TBC1D4: variants seen among roughly 807,000 people sequenced by gnomAD.
TBC1D4 encodes the protein TBC (Tre-2, BUB2, CDC16) domain-containing protein.
TBC1D4 carries 121 observed loss-of-function variants against 142.5 expected under a neutral mutation model. The ratio of observed to expected loss-of-function variants is 0.85; its 90% CI spans 0.73 to 0.99. The LOEUF (loss-of-function observed/expected upper bound fraction) is 0.99. TBC1D4 is among the 50% of genes least tolerant of loss of function. The probability of loss-of-function intolerance (pLI) is 0.00; values close to 1 mark genes in which losing one functional copy is unlikely to be tolerated. For synonymous variants in TBC1D4, 630 were observed against 628.2 expected, an observed-to-expected ratio of 1.00 and a Z score of -0.04; for missense variants, 1,475 against 1,606.6, an observed-to-expected ratio of 0.92 and a Z score of 1.40.
At chr13:75,423,304 C>A (rs187979505) in intron 1 of TBC1D4, among the ~76,000 whole-genome samples, 7 of 151,540 alleles carry the variant, frequency 4.6e-5, no homozygotes, top group Admixed American at 3.3e-4. Flanking sequence ...CAGAAAATAT[C>A]TTAACAGGTT....
intron 8 of TBC1D4, among the ~76,000 whole-genome samples, chr13:75,332,113 C>T (rs1415386626): frequency 6.6e-6 from 1 of 152,170 alleles, no homozygotes; most frequent in African/African-American, 2.4e-5. Flanking sequence ...AAAAAGACTT[C>T]AAAGTTGGCA....
intron 1 of TBC1D4, among the ~76,000 whole-genome samples, chr13:75,439,321 T>C (rs1268197873): frequency 6.6e-6 from 1 of 152,218 alleles, no homozygotes; most frequent in Non-Finnish European, 1.5e-5. Flanking sequence ...ATAAAATTCA[T>C]AATTTTTTAC....
chr13:75,329,521 T>C (rs906612321), intron 8 of TBC1D4, among the ~76,000 whole-genome samples: 1 of 151,602 alleles, frequency 6.6e-6, no homozygotes, highest in Non-Finnish European at 1.5e-5. Flanking sequence ...CATGTTACAA[T>C]ATAGGCTTGC....
chr13:75,309,763 C>T (rs1470145889), intron 14 of TBC1D4, among the ~76,000 whole-genome samples, 179 bp downstream of exon 14: 1 of 152,138 alleles, frequency 6.6e-6, no homozygotes, highest in African/African-American at 2.4e-5. Flanking sequence ...CTGACCTTTC[C>T]CATGTTATAA....
chr13:75,305,591 G>T (rs897700978), intron 15 of TBC1D4, among the ~76,000 whole-genome samples: 1 of 152,196 alleles, frequency 6.6e-6, no homozygotes, highest in African/African-American at 2.4e-5. Context: ...TGGCTCAACA[G>T]TCTCACACAT....
intron 1 of TBC1D4, among the ~76,000 whole-genome samples, chr13:75,417,738 T>C (rs1482399538): frequency 6.6e-6 from 1 of 152,216 alleles, no homozygotes; most frequent in Non-Finnish European, 1.5e-5. Context: ...AGTATTATTC[T>C]TATTCCAGTG....
chr13:75,356,276 T>A (rs964047621), intron 3 of TBC1D4, 25 bp from the exon 4 acceptor site: 1 of 1,457,626 alleles, frequency 6.9e-7, no homozygotes, highest in East Asian at 2.3e-5. Context: ...AGAAGTGCAA[T>A]AAAAATGTAT....
intron 8 of TBC1D4, among the ~76,000 whole-genome samples, chr13:75,334,774 C>T (rs1880058051): frequency 3.3e-5 from 5 of 151,890 alleles, no homozygotes; most frequent in South Asian, 2.1e-4. Context: ...TTAGTAGAGA[C>T]GGGGTTTTAC....
At chr13:75,329,226 C>T (rs1879537566) in intron 8 of TBC1D4, among the ~76,000 whole-genome samples, 1 of 151,992 alleles carries the variant, frequency 6.6e-6, no homozygotes, top group Non-Finnish European at 1.5e-5. Flanking sequence ...TTGTTTGCAG[C>T]TGAGCGACAT....
At chr13:75,391,032 CCACACACACA>C (rs71127539) in intron 1 of TBC1D4, among the ~76,000 whole-genome samples, 1,792 of 136,760 alleles carry the variant, frequency 0.013, 16 homozygotes, top group South Asian at 0.023. Context: ...TATTCCCCCA[CCACACACACA>C]CACACACACA....
chr13:75,330,497 T>C (rs1593738762), intron 8 of TBC1D4, among the ~76,000 whole-genome samples: 1 of 152,238 alleles, frequency 6.6e-6, no homozygotes, highest in Non-Finnish European at 1.5e-5. Context: ...TTAATCCTCA[T>C]ACCAGTTGTG....
intron 16 of TBC1D4, among the ~76,000 whole-genome samples, chr13:75,300,385 GC>G (rs11332300): frequency 0.54 from 82,428 of 151,280 alleles, 22,593 homozygotes; most frequent in Non-Finnish European, 0.56. Flanking sequence ...ATTGGTATGG[GC>G]ATTTTTCTAG....
chr13:75,312,452 A>G (rs56865563), intron 13 of TBC1D4, among the ~76,000 whole-genome samples: 1,855 of 104,534 alleles, frequency 0.018, 36 homozygotes, highest in African/African-American at 0.051. Context: ...AAGAAAGAAA[A>G]AGGACATACA....
At chr13:75,309,207 A>C (rs1237066452) in intron 14 of TBC1D4, among the ~76,000 whole-genome samples, 2 of 152,142 alleles carry the variant, frequency 1.3e-5, no homozygotes, top group African/African-American at 4.8e-5. Context: ...ATTTCTTAGC[A>C]TCTCCTTGTA....
At chr13:75,477,733 C>G (rs2138351850) in intron 1 of TBC1D4, among the ~76,000 whole-genome samples, 1 of 152,262 alleles carries the variant, frequency 6.6e-6, no homozygotes, top group Middle Eastern at 3.4e-3. Context: ...GTGACCTATC[C>G]TAGACCTTTG....
At chr13:75,334,604 G>T (rs148463552) in intron 8 of TBC1D4, among the ~76,000 whole-genome samples, 14 of 151,682 alleles carry the variant, frequency 9.2e-5, no homozygotes, top group African/African-American at 3.4e-4. Context: ...TGTTTGTTTA[G>T]ACAGGGTCTC....
intron 1 of TBC1D4, among the ~76,000 whole-genome samples, chr13:75,414,544 T>C (rs1347942086): frequency 4.0e-5 from 6 of 151,842 alleles, no homozygotes; most frequent in African/African-American, 1.5e-4. Context: ...AGGAAGAATA[T>C]GGGGGGATGT....
rs562207388 is a variant in TBC1D4, at chr13:75,412,920, T to C, written c.499-50313A>G. On this transcript the variant is annotated intron_variant, in intron 1 of 20. Coordinates refer to ENST00000377636, the MANE Select transcript of TBC1D4 (RefSeq NM_014832.5). ...CGAGTTAATTCCCTCAACAAATGTT[T>C]ATTCTGTGACCTAAAACCTGACAGA... is the stretch of plus-strand genomic sequence containing the variant. Among the ~76,000 whole-genome samples the C allele has an allele frequency of 2.0e-3, 306 of 152,326 alleles. 3 individuals are homozygous for C. Among genetic ancestry groups the C allele is most frequent in the African/African-American group, 6.9e-3 (285 of 41,578 alleles).
At chr13:75,372,514 C>T (rs1883273613) in intron 1 of TBC1D4, among the ~76,000 whole-genome samples, 1 of 152,212 alleles carries the variant, frequency 6.6e-6, no homozygotes, top group Non-Finnish European at 1.5e-5. Context: ...AAGTGATCTG[C>T]CTGCCTCAGC....
Sources: allele counts gnomAD v4.1 joint callset (sites outside exome capture counted in the v4.1 genomes callset), GRCh38; gene constraint gnomAD v4.1.1; transcripts MANE v1.5; gene names NCBI Gene and HGNC (gene_info 2026-07-23, HGNC 2026-07-21).